COL21A1: variants seen among roughly 807,000 people sequenced by gnomAD.
COL21A1 encodes collagen alpha-1(XXI) chain.
COL21A1 carries 149 observed loss-of-function variants against 137.9 expected under a neutral mutation model. That is an observed-to-expected ratio of 1.08 (90% CI 0.95 to 1.24). The LOEUF (loss-of-function observed/expected upper bound fraction) is 1.24, where lower values mean the gene tolerates loss of function less well. Ranked by LOEUF, COL21A1 falls within the 50% of genes most tolerant of loss-of-function variation. COL21A1 has a pLI of 0.00. For missense variants in COL21A1, 1,167 were observed against 1,158.4 expected, an observed-to-expected ratio of 1.01 and a Z score of -0.11; for synonymous variants, 456 against 391.5, an observed-to-expected ratio of 1.16 and a Z score of -1.95.
intron 1 of COL21A1, among the ~76,000 whole-genome samples, chr6:56,273,385 A>G (rs1763571852): frequency 6.6e-6 from 1 of 152,172 alleles, no homozygotes; most frequent in Non-Finnish European, 1.5e-5. Context: ...TTAGAAAAGA[A>G]GTGAATGAAA....
intron 1 of COL21A1, among the ~76,000 whole-genome samples, chr6:56,211,284 AT>A (rs1293911062): frequency 6.0e-5 from 9 of 149,930 alleles, no homozygotes; most frequent in Non-Finnish European, 1.2e-4. Context: ...GGGAGAAAAT[AT>A]TTGTAATGCA....
At chr6:56,232,996 G>A (rs1020663619) in intron 1 of COL21A1, among the ~76,000 whole-genome samples, 5 of 151,870 alleles carry the variant, frequency 3.3e-5, no homozygotes, top group Non-Finnish European at 1.5e-5. Context: ...GGGAAGAAAA[G>A]TGCTCTGACA....
chr6:56,153,146 T>C (rs925534156), intron 10 of COL21A1, among the ~76,000 whole-genome samples: 1 of 152,206 alleles, frequency 6.6e-6, no homozygotes, highest in Non-Finnish European at 1.5e-5. Context: ...GGGTCGAAGA[T>C]AAATACAAAA....
At chr6:56,246,756 TTGC>T (rs1488433133) in intron 1 of COL21A1, among the ~76,000 whole-genome samples, 1 of 152,214 alleles carries the variant, frequency 6.6e-6, no homozygotes, top group East Asian at 1.9e-4. Flanking sequence ...TACCAGGTGC[TTGC>T]TGCTGCGGGC....
At chr6:56,188,036 T>C (rs1201176704) in intron 1 of COL21A1, among the ~76,000 whole-genome samples, 3 of 152,274 alleles carry the variant, frequency 2.0e-5, no homozygotes, top group East Asian at 1.9e-4. Context: ...GCACATAATA[T>C]AGTACTCATC....
intron 1 of COL21A1, among the ~76,000 whole-genome samples, chr6:56,318,270 C>A (rs1764787645): frequency 6.6e-6 from 1 of 152,112 alleles, no homozygotes; most frequent in Non-Finnish European, 1.5e-5. Context: ...TCTAACTCTA[C>A]TTACTCCTAT....
At chr6:56,119,212 A>C (rs1302401669) in intron 16 of COL21A1, among the ~76,000 whole-genome samples, 1 of 152,122 alleles carries the variant, frequency 6.6e-6, no homozygotes, top group Non-Finnish European at 1.5e-5. Context: ...TATTAAACTG[A>C]TAAATTTGGT....
chr6:56,088,030 A>T lies in COL21A1; in HGVS notation c.1813-10457T>A, dbSNP rs185390121. 3.4e-3 allele frequency among the ~76,000 whole-genome samples: 512 copies of T among 152,210 alleles called. 1 individual carries two copies. The highest frequency in any genetic ancestry group is 5.5e-3 in the Non-Finnish European group (372 of 68,012). ...TTTGAAAAAGCTGGAGAATTGATAAATTCTTCATCTTTGTTTTGCTTTAAT... is the reference window on the plus strand; with the variant it reads ...TTTGAAAAAGCTGGAGAATTGATAATTTCTTCATCTTTGTTTTGCTTTAAT... On this transcript the variant is annotated intron_variant, in intron 17 of 29. Transcript: ENST00000244728.
At position 56,327,087 on chromosome 6, in the gene COL21A1, G is replaced by A. The variant is rs531092312; in HGVS notation, c.-39+66884C>T. Among the ~76,000 whole-genome samples the A allele has an allele frequency of 1.3e-3, 191 of 152,024 alleles. 1 individual carries two copies. The highest frequency in any genetic ancestry group is 4.5e-3 in the African/African-American group (185 of 41,512). On this transcript the variant is annotated intron_variant, in intron 1 of 28. Coordinates refer to the COL21A1 transcript ENST00000370819. ...AACATTCTAATTTGTAGTAGATGAT[G>A]TAAAACTTTATTACTTTGATTTGGT... is the stretch of plus-strand genomic sequence containing the variant.
intron 1 of COL21A1, among the ~76,000 whole-genome samples, chr6:56,273,468 A>G (rs1241963294): frequency 6.6e-6 from 1 of 152,230 alleles, no homozygotes; most frequent in Non-Finnish European, 1.5e-5. Context: ...AACAAAATTG[A>G]TAGACTGCTA....
intron 10 of COL21A1, among the ~76,000 whole-genome samples, chr6:56,150,362 C>CA (rs1409009311): frequency 6.6e-6 from 1 of 152,042 alleles, no homozygotes; most frequent in African/African-American, 2.4e-5. Context: ...ACTAAAAATA[C>CA]AAAAAATTAG....
intron 1 of COL21A1, among the ~76,000 whole-genome samples, chr6:56,326,347 C>A (rs937491328): frequency 2.6e-5 from 4 of 151,414 alleles, no homozygotes; most frequent in Non-Finnish European, 5.9e-5. Flanking sequence ...ATCTGTAATT[C>A]ACATATATTA....
chr6:56,058,344 C>T (rs1582203022), intron 29 of COL21A1, among the ~76,000 whole-genome samples: 1 of 152,210 alleles, frequency 6.6e-6, no homozygotes, highest in Middle Eastern at 3.4e-3. Flanking sequence ...ATCATCAATA[C>T]TCATAGGTAT....
At chr6:56,079,619 T>C (rs1767572649) in intron 17 of COL21A1, among the ~76,000 whole-genome samples, 1 of 151,598 alleles carries the variant, frequency 6.6e-6, no homozygotes, top group South Asian at 2.1e-4. Flanking sequence ...GACACTCTAA[T>C]ACTGAGCTTG....
intron 1 of COL21A1, among the ~76,000 whole-genome samples, chr6:56,335,444 C>T (rs1413648930): frequency 4.6e-5 from 7 of 152,094 alleles, no homozygotes; most frequent in South Asian, 4.2e-4. Context: ...ACAATCGGCC[C>T]GAAATAGCCA....
chr6:56,193,410 T>C (rs1467350718), intron 1 of COL21A1, among the ~76,000 whole-genome samples: 1 of 152,126 alleles, frequency 6.6e-6, no homozygotes, highest in South Asian at 2.1e-4. Flanking sequence ...TTAAAACACA[T>C]TGTATTTAAT....
In COL21A1 at chr6:56,081,336, C is replaced by T. The variant is rs1267680832; in HGVS notation, c.1813-3763G>A. ...TTATATGTAGGATGATGCTAGCAATCTAAAGTCCCCCACTCGGGGACGCCA... is the reference window on the plus strand; with the variant it reads ...TTATATGTAGGATGATGCTAGCAATTTAAAGTCCCCCACTCGGGGACGCCA... On this transcript the variant is annotated intron_variant, in intron 17 of 29. Transcript: ENST00000244728. Among the ~76,000 whole-genome samples, 5 of 151,344 alleles carry T rather than the reference C, an allele frequency of 3.3e-5. No homozygotes were observed. In the East Asian group the frequency reaches 9.7e-4, roughly 29 times the overall value.
At chr6:56,153,416 A>C (rs1235525564) in intron 10 of COL21A1, among the ~76,000 whole-genome samples, 1 of 151,966 alleles carries the variant, frequency 6.6e-6, no homozygotes, top group Non-Finnish European at 1.5e-5. Flanking sequence ...TATCTTCCAA[A>C]CTTTCATTTT....
At position 56,142,660 on chromosome 6, in the gene COL21A1, C is replaced by T. The variant is rs114779365; in HGVS notation, c.1435-677G>A. Among the ~76,000 whole-genome samples the T allele has an allele frequency of 1.2e-3, 188 of 152,306 alleles. 3 individuals are homozygous for T. Among genetic ancestry groups the T allele is most frequent in the African/African-American group, 4.2e-3 (176 of 41,572 alleles). ...TATTTATTGTTGGTTTAGCACATGG[C>T]AGCTAAAGTCTCCAAATTAACTTGT... On this transcript the variant is annotated intron_variant, in intron 10 of 29. Transcript: ENST00000244728.
Sources: gnomAD v4.1 joint callset for allele counts (sites outside exome capture counted in the v4.1 genomes callset) on GRCh38, gnomAD v4.1.1 for gene constraint, MANE v1.5 for transcripts, NCBI Gene and HGNC (gene_info 2026-07-23, HGNC 2026-07-21) for gene names.